Variants in PITPNC1 observed in about 807,000 individuals in gnomAD.
PITPNC1 encodes phosphatidylinositol transfer protein cytoplasmic 1.
A neutral mutation model predicts 44.7 loss-of-function variants in PITPNC1; 18 were observed. The ratio of observed to expected loss-of-function variants is 0.40; its 90% confidence interval spans 0.28 to 0.60. The LOEUF (loss-of-function observed/expected upper bound fraction) is 0.60. Among genes scored for constraint, PITPNC1 ranks in the 20% least tolerant of loss-of-function variants. PITPNC1 has a pLI of 0.39. For missense variants in PITPNC1, 290 were observed against 418.4 expected (o/e 0.69, Z 2.68); for synonymous variants, 141 against 149.6 (o/e 0.94, Z 0.42).
chr17:67,658,131 G>A (rs533791578), intron 6 of PITPNC1, among the ~76,000 whole-genome samples: 1 of 152,302 alleles, frequency 6.6e-6, no homozygotes, highest in African/African-American at 2.4e-5. Flanking sequence ...TCAGACTATG[G>A]CCCTGGTGAC....
chr17:67,460,333 G>A (rs988072024), intron 1 of PITPNC1, among the ~76,000 whole-genome samples: 2 of 152,116 alleles, frequency 1.3e-5, no homozygotes, highest in Admixed American at 1.3e-4. Flanking sequence ...TCCAGGGCTC[G>A]GAACTCCCTA....
chr17:67,606,497 C>T (rs1003098674), intron 5 of PITPNC1, among the ~76,000 whole-genome samples: 2 of 152,334 alleles, frequency 1.3e-5, no homozygotes, highest in Admixed American at 1.3e-4. Context: ...TCGGCTAAGT[C>T]GGAGACGTTT....
At chr17:67,686,716 C>A (rs2042823203) in intron 8 of PITPNC1, among the ~76,000 whole-genome samples, 1 of 152,200 alleles carries the variant, frequency 6.6e-6, no homozygotes, top group African/African-American at 2.4e-5. Context: ...CCAAGCAAAA[C>A]TGACCCTCTG....
chr17:67,657,156 GT>G (rs200469435), intron 6 of PITPNC1, among the ~76,000 whole-genome samples: 3 of 146,068 alleles, frequency 2.1e-5, no homozygotes, highest in Non-Finnish European at 4.5e-5. Context: ...CCCCACCCCC[GT>G]TTTTTTTGTT....
intron 1 of PITPNC1, among the ~76,000 whole-genome samples, chr17:67,490,524 A>G (rs1315708485): frequency 2.0e-5 from 3 of 152,022 alleles, no homozygotes; most frequent in Admixed American, 6.6e-5. Flanking sequence ...TTGGAGAGAG[A>G]GCCCCCGGGT....
At chr17:67,670,579 C>A (rs191394636) in intron 7 of PITPNC1, among the ~76,000 whole-genome samples, 227 of 151,914 alleles carry the variant, frequency 1.5e-3, no homozygotes, top group African/African-American at 5.4e-3. Context: ...GAAACCCTGT[C>A]TCTGCTAAAA....
intron 2 of PITPNC1, among the ~76,000 whole-genome samples, chr17:67,547,484 C>A (rs530196285): frequency 2.6e-5 from 4 of 152,228 alleles, no homozygotes; most frequent in Non-Finnish European, 5.9e-5. Context: ...CCACTGTACT[C>A]CAGCCTGGGC....
At chr17:67,426,237 AC>A (rs1359456408) in intron 1 of PITPNC1, among the ~76,000 whole-genome samples, 1 of 152,206 alleles carries the variant, frequency 6.6e-6, no homozygotes, top group Non-Finnish European at 1.5e-5. Context: ...ATACCATTTG[AC>A]CCAGCAATCC....
At chr17:67,402,841 GT>G (rs2038338637) in intron 1 of PITPNC1, among the ~76,000 whole-genome samples, 1 of 151,910 alleles carries the variant, frequency 6.6e-6, no homozygotes, top group Non-Finnish European at 1.5e-5. Context: ...TAATTTTTGT[GT>G]TTTTAGTAGA....
intron 4 of PITPNC1, among the ~76,000 whole-genome samples, chr17:67,576,819 G>A (rs1401024434): frequency 1.3e-5 from 2 of 152,136 alleles, no homozygotes; most frequent in Non-Finnish European, 2.9e-5. Flanking sequence ...TCTACCCATG[G>A]ATGCTGTCTG....
intron 1 of PITPNC1, among the ~76,000 whole-genome samples, chr17:67,513,102 G>A (rs1304689918): frequency 1.3e-5 from 2 of 152,026 alleles, no homozygotes; most frequent in African/African-American, 4.8e-5. Flanking sequence ...AGTGGCTCAC[G>A]CCTATAATCC....
At chr17:67,638,048 G>C (rs2042053232) in intron 6 of PITPNC1, 1 of 152,246 alleles carries the variant, frequency 6.6e-6, no homozygotes, top group Admixed American at 6.5e-5. Context: ...CAAAAGCTGA[G>C]CAGGTTGGAC....
At chr17:67,664,152 A>G (rs1249025643) in intron 6 of PITPNC1, among the ~76,000 whole-genome samples, 1 of 152,076 alleles carries the variant, frequency 6.6e-6, no homozygotes, top group Non-Finnish European at 1.5e-5. Flanking sequence ...TTTAGTAGAG[A>G]CGGGGTTTCA....
At position 67,522,659 on chromosome 17, in the gene PITPNC1, C is replaced by CTTTTTTTTTT. The variant is rs773797594; in HGVS notation, c.49-10138_49-10129dup. ...ATATCATAAAATTTACCATTTTAAT[C>CTTTTTTTTTT]TTTTTTTTTTTTTTGGAAAATGAGG... On this transcript the variant is annotated intron_variant, in intron 1 of 8. Coordinates refer to ENST00000581322, the MANE Select transcript of PITPNC1 (RefSeq NM_012417.4). Among the ~76,000 whole-genome samples the CTTTTTTTTTT allele has an allele frequency of 6.9e-4, 81 of 117,198 alleles. 6 individuals carry two copies. Among genetic ancestry groups the CTTTTTTTTTT allele is most frequent in the South Asian group, 2.6e-3 (10 of 3,864 alleles). The allele number at this position is 117,198 out of a possible 152,430, so 76.9% of individuals were successfully genotyped here.
chr17:67,625,108 C>A (rs999764557), intron 5 of PITPNC1, among the ~76,000 whole-genome samples: 1 of 151,954 alleles, frequency 6.6e-6, no homozygotes, highest in Admixed American at 6.6e-5. Context: ...CAGATTGACA[C>A]CAAAATCCAC....
chr17:67,466,645 C>T (rs1032295359), intron 1 of PITPNC1, among the ~76,000 whole-genome samples: 1 of 152,094 alleles, frequency 6.6e-6, no homozygotes, highest in African/African-American at 2.4e-5. Context: ...GTGTTGTTAG[C>T]CCTTTTGCTT....
chr17:67,426,047 C>A (rs745892015), intron 1 of PITPNC1, among the ~76,000 whole-genome samples: 2 of 152,204 alleles, frequency 1.3e-5, no homozygotes. Context: ...CCATCATACA[C>A]TTCCTGTGCT....
intron 6 of PITPNC1, among the ~76,000 whole-genome samples, chr17:67,633,545 G>C (rs1253973204): frequency 2.0e-5 from 3 of 152,190 alleles, no homozygotes; most frequent in Non-Finnish European, 4.4e-5. Context: ...CCACCCAAAG[G>C]GTGAGCGTTT....
chr17:67,563,979 AAG>A (rs1382375036), intron 4 of PITPNC1, among the ~76,000 whole-genome samples: 1 of 152,282 alleles, frequency 6.6e-6, no homozygotes, highest in Admixed American at 6.5e-5. Flanking sequence ...ATTAATAGAT[AAG>A]AGAGATGGAT....
Sources: gnomAD v4.1 joint callset for allele counts (sites outside exome capture counted in the v4.1 genomes callset) on GRCh38, gnomAD v4.1.1 for gene constraint, MANE v1.5 for transcripts, NCBI Gene and HGNC (gene_info 2026-07-23, HGNC 2026-07-21) for gene names.